The following SLC35F3 variants were observed in gnomAD, a reference collection of about 807,000 sequenced individuals.
The protein encoded by SLC35F3 is putative thiamine transporter SLC35F3.
SLC35F3 carries 25 observed loss-of-function variants against 49.9 expected under a neutral mutation model. The ratio of observed to expected loss-of-function variants is 0.50; its 90% confidence interval spans 0.37 to 0.70. The LOEUF (loss-of-function observed/expected upper bound fraction) is 0.70, where lower values mean the gene tolerates loss of function less well. Among genes scored for constraint, SLC35F3 ranks in the 30% least tolerant of loss-of-function variants. The pLI is 0.00. For synonymous variants in SLC35F3, 275 were observed against 265.4 expected (o/e 1.04, Z -0.35); for missense variants, 525 against 639.8 (o/e 0.82, Z 1.94).
chr1:233,909,124 TGGGATTAC>T (rs1292847528), intron 2 of SLC35F3, among the ~76,000 whole-genome samples: 6 of 152,208 alleles, frequency 3.9e-5, no homozygotes, highest in Non-Finnish European at 8.8e-5. Flanking sequence ...CCCAAAGTAA[TGGGATTAC>T]AGGCATGAGC....
chr1:234,061,905 G>A (rs954590853), intron 2 of SLC35F3, among the ~76,000 whole-genome samples: 1 of 151,788 alleles, frequency 6.6e-6, no homozygotes, highest in Non-Finnish European at 1.5e-5. Context: ...TCGTTTTTTT[G>A]AAAATATTTA....
chr1:234,012,352 T>C (rs1014134307), intron 2 of SLC35F3, among the ~76,000 whole-genome samples: 4 of 152,218 alleles, frequency 2.6e-5, no homozygotes, highest in Non-Finnish European at 5.9e-5. Flanking sequence ...TGCAAGAGGC[T>C]TTCCTCTTTT....
chr1:234,285,594 G>C lies in SLC35F3; in HGVS notation c.609-23507G>C, dbSNP rs1036450113. ...GACACAGATGCCAGATGATTCCTAA[G>C]ACTTATTTGTGATATTTTAATGATG... On this transcript the variant is annotated intron_variant, in intron 3 of 7. Transcript: ENST00000366618. The C allele has an allele frequency of 1.1e-5, 3 of 274,228 alleles. No homozygotes were observed. In the Admixed American group the frequency reaches 1.4e-4, roughly 13 times the overall value. The allele number at this position is 274,228 out of a possible 1,614,324, so 17.0% of individuals were successfully genotyped here. A position where few individuals can be genotyped will look rare whatever the true frequency, so the allele number is the denominator to read the frequency against.
chr1:234,103,825 T>C (rs922642765), intron 2 of SLC35F3, among the ~76,000 whole-genome samples: 18 of 152,302 alleles, frequency 1.2e-4, no homozygotes, highest in African/African-American at 4.1e-4. Context: ...ATAGACCTGT[T>C]CCAGCCAATG....
chr1:234,117,402 G>A (rs780065586), intron 2 of SLC35F3, among the ~76,000 whole-genome samples: 1 of 151,862 alleles, frequency 6.6e-6, no homozygotes, highest in Non-Finnish European at 1.5e-5. Context: ...GACCAGCCTG[G>A]GCAACATGGT....
chr1:234,104,425 A>G (rs1665254097), intron 2 of SLC35F3, among the ~76,000 whole-genome samples: 1 of 152,178 alleles, frequency 6.6e-6, no homozygotes, highest in Non-Finnish European at 1.5e-5. Flanking sequence ...AGAAGTTCAG[A>G]GACCTGCATG....
In SLC35F3 at chr1:234,214,147, G is replaced by A. The variant is rs1291232616; in HGVS notation, c.284-17270G>A. 2.9e-6 allele frequency: 3 copies of A among 1,052,060 alleles called. No homozygotes were observed. Among genetic ancestry groups the A allele is most frequent in the African/African-American group, 3.4e-5 (2 of 59,100 alleles). 65.2% of individuals were successfully genotyped at this position (1,052,060 alleles called of 1,614,324 possible). On this transcript the variant is annotated intron_variant, in intron 2 of 7. Coordinates refer to ENST00000366618, the MANE Select transcript of SLC35F3 (RefSeq NM_173508.4). The surrounding 1 kb of genome is among the most constrained non-coding windows in gnomAD (Gnocchi z 8.0). ...GACAGGGATGAGGGCTGCGGGGCTGGGCGTCCCGGGGAGGAGGGCGGAGCA... is the reference window on the plus strand; with the variant it reads ...GACAGGGATGAGGGCTGCGGGGCTGAGCGTCCCGGGGAGGAGGGCGGAGCA...
At chr1:234,005,981 G>C (rs904956371) in intron 2 of SLC35F3, among the ~76,000 whole-genome samples, 2 of 152,162 alleles carry the variant, frequency 1.3e-5, no homozygotes, top group Non-Finnish European at 2.9e-5. Flanking sequence ...CATTGACTTA[G>C]ATAATGTTTA....
chr1:233,984,252 A>T (rs1200694243), intron 2 of SLC35F3, among the ~76,000 whole-genome samples: 1 of 152,234 alleles, frequency 6.6e-6, no homozygotes, highest in Non-Finnish European at 1.5e-5. Flanking sequence ...GCTAAAACCC[A>T]AGAAAAGCAA....
intron 2 of SLC35F3, among the ~76,000 whole-genome samples, chr1:234,097,357 A>G (rs1254391520): frequency 6.6e-6 from 1 of 152,070 alleles, no homozygotes; most frequent in African/African-American, 2.4e-5. Context: ...AAAGAAAATT[A>G]AAAAGATGTC....
At chr1:234,257,665 G>A (rs1033321382) in intron 3 of SLC35F3, among the ~76,000 whole-genome samples, 10 of 152,160 alleles carry the variant, frequency 6.6e-5, no homozygotes, top group Admixed American at 2.0e-4. Flanking sequence ...ATACAACTTC[G>A]TAACTACAGA....
chr1:234,318,410 G>A (rs1045208972), intron 5 of SLC35F3, among the ~76,000 whole-genome samples: 1 of 152,166 alleles, frequency 6.6e-6, no homozygotes, highest in Non-Finnish European at 1.5e-5. Flanking sequence ...ACAGGGTCCA[G>A]GATCCCTTCC....
chr1:233,973,155 GCTCCCATGTCCCCTGTA>G lies in SLC35F3; in HGVS notation c.283+67398_283+67414del, dbSNP rs1240233519. The stretch of plus-strand genomic sequence containing the variant: ...GTGCATTAGTCATCAGAGGCACATG[GCTCCCATGTCCCCTGTA>G]GAGTCGAGAATAATATATTTTGGTG... On this transcript the variant is annotated intron_variant, in intron 2 of 7. Coordinates refer to ENST00000366618, the MANE Select transcript of SLC35F3 (RefSeq NM_173508.4). 1.3e-5 allele frequency among the ~76,000 whole-genome samples: 2 copies of G among 152,240 alleles called. 1 individual carries two copies. Among genetic ancestry groups the G allele is most frequent in the Non-Finnish European group, 2.9e-5 (2 of 68,048 alleles).
intron 2 of SLC35F3, among the ~76,000 whole-genome samples, chr1:233,912,350 C>T (rs1029367145): frequency 1.8e-4 from 28 of 151,900 alleles, no homozygotes; most frequent in Non-Finnish European, 3.5e-4. Flanking sequence ...TGGTGGTGGG[C>T]ACCTGTAATC....
At chr1:234,071,102 T>G (rs1664707055) in intron 2 of SLC35F3, among the ~76,000 whole-genome samples, 1 of 152,176 alleles carries the variant, frequency 6.6e-6, no homozygotes, top group Non-Finnish European at 1.5e-5. Flanking sequence ...GAGTTGTCCC[T>G]CCTCTGGCCC....
chr1:234,128,802 G>A (rs1472318240), intron 2 of SLC35F3, among the ~76,000 whole-genome samples: 1 of 152,200 alleles, frequency 6.6e-6, no homozygotes, highest in African/African-American at 2.4e-5. Context: ...AATGTCTGGA[G>A]AGCAAGCACT....
At chr1:233,921,700 C>T (rs148831951) in intron 2 of SLC35F3, among the ~76,000 whole-genome samples, 1,938 of 152,072 alleles carry the variant, frequency 0.013, 117 homozygotes, top group Admixed American at 0.11. Flanking sequence ...ATGTGCACAA[C>T]GTGCAGGTAT....
chr1:234,265,655 C>G (rs1219408726), intron 3 of SLC35F3, among the ~76,000 whole-genome samples: 1 of 152,166 alleles, frequency 6.6e-6, no homozygotes, highest in Non-Finnish European at 1.5e-5. Flanking sequence ...CCCAAGCGTT[C>G]TCCATTCTTC....
intron 3 of SLC35F3, among the ~76,000 whole-genome samples, chr1:234,278,879 C>T (rs1173955830): frequency 1.3e-5 from 2 of 152,160 alleles, no homozygotes; most frequent in African/African-American, 4.8e-5. Flanking sequence ...CTCTCTGATA[C>T]CATCACACTG....
Sources: allele counts gnomAD v4.1 joint callset (sites outside exome capture counted in the v4.1 genomes callset), GRCh38; gene constraint gnomAD v4.1.1; non-coding constraint Gnocchi (gnomAD v3.1); transcripts MANE v1.5; gene names NCBI Gene and HGNC (gene_info 2026-07-23, HGNC 2026-07-21).